VAMP7: variants seen among roughly 807,000 people sequenced by gnomAD.
VAMP7 encodes the protein vesicle associated membrane protein 7, also known as vesicle-associated membrane protein 7.
In VAMP7, 14 loss-of-function variants were observed where a neutral mutation model predicts 29.6. The observed-to-expected ratio is 0.47, with a 90% CI of 0.31 to 0.74. VAMP7 has a LOEUF of 0.74. Among genes scored for constraint, VAMP7 ranks in the 30% least tolerant of loss-of-function variants. The pLI is 0.05. For synonymous variants in VAMP7, 95 were observed against 88.1 expected (o/e 1.08, Z -0.44); for missense variants, 223 against 262.4 (o/e 0.85, Z 1.04).
chrX:155,926,960 TC>T (rs2066476861), intron 6 of VAMP7, among the ~76,000 whole-genome samples: 1 of 152,132 alleles, frequency 6.6e-6, no homozygotes, highest in Non-Finnish European at 1.5e-5. Context: ...ATCCGTTAGC[TC>T]CGTCACCTTA....
chrX:155,924,306 T>A (rs2066438727), intron 6 of VAMP7, among the ~76,000 whole-genome samples: 1 of 152,196 alleles, frequency 6.6e-6, no homozygotes, highest in East Asian at 1.9e-4. Context: ...CATAAAATTT[T>A]GCCATTTTAA....
intron 5 of VAMP7, among the ~76,000 whole-genome samples, chrX:155,903,778 C>G (rs1569439535): frequency 6.6e-6 from 1 of 152,080 alleles, no homozygotes; most frequent in Non-Finnish European, 1.5e-5. Context: ...CTAGTTCAAC[C>G]CTTGTGGAAG....
intron 1 of VAMP7, among the ~76,000 whole-genome samples, chrX:155,887,656 C>T (rs1167103652): frequency 3.3e-5 from 5 of 151,994 alleles, no homozygotes; most frequent in East Asian, 1.9e-4. Flanking sequence ...GGGCCAGGTA[C>T]GGTGGCTCAT....
At chrX:155,884,201 C>T (rs2065839463) in intron 1 of VAMP7, among the ~76,000 whole-genome samples, 1 of 151,854 alleles carries the variant, frequency 6.6e-6, no homozygotes, top group African/African-American at 2.4e-5. Flanking sequence ...GATCTTGGCT[C>T]ACCTCAGCCT....
intron 1 of VAMP7, among the ~76,000 whole-genome samples, chrX:155,885,807 A>G (rs771275958): frequency 1.3e-5 from 2 of 152,292 alleles, no homozygotes; most frequent in South Asian, 2.1e-4. Flanking sequence ...AGAGATAAGG[A>G]AAGATTCTCT....
intron 5 of VAMP7, among the ~76,000 whole-genome samples, chrX:155,912,490 C>T (rs2066251868): frequency 6.6e-6 from 1 of 152,068 alleles, no homozygotes; most frequent in African/African-American, 2.4e-5. Context: ...AGGTATTTCT[C>T]CTAATGCTAT....
chrX:155,883,064 C>T (rs2065823143), intron 1 of VAMP7, among the ~76,000 whole-genome samples: 1 of 152,176 alleles, frequency 6.6e-6, no homozygotes, highest in Non-Finnish European at 1.5e-5. Context: ...CTGTCTTCCC[C>T]ATTGTTCTAT....
intron 2 of VAMP7, 89 bp downstream of exon 2, chrX:155,889,701 T>C: frequency 7.1e-7 from 1 of 1,410,596 alleles, no homozygotes; most frequent in Non-Finnish European, 9.4e-7. Context: ...AACAAGCTTC[T>C]AGGTACATAA....
At chrX:155,888,412 C>T (rs1011343257) in intron 1 of VAMP7, among the ~76,000 whole-genome samples, 4 of 152,172 alleles carry the variant, frequency 2.6e-5, no homozygotes, top group African/African-American at 9.7e-5. Flanking sequence ...ATGACTCATA[C>T]TCTGCCACAC....
At chrX:155,896,969 T>C (rs1454760380) in intron 3 of VAMP7, among the ~76,000 whole-genome samples, 2 of 151,648 alleles carry the variant, frequency 1.3e-5, no homozygotes, top group Admixed American at 6.6e-5. Context: ...ATATATATAG[T>C]ATTCAAAATA....
chrX:155,942,747 T>C lies in VAMP7; in HGVS notation c.*796T>C, dbSNP rs2066765668. The C allele has an allele frequency of 6.5e-6, 1 of 153,254 alleles. No individual in the cohort carries two copies. The highest frequency in any genetic ancestry group is 1.9e-4 in the East Asian group (1 of 5,198). The allele number at this position is 153,254 out of a possible 1,614,324, so 9.5% of individuals were successfully genotyped here. On this transcript the variant is annotated 3_prime_UTR_variant, in exon 8 of 8. Coordinates refer to ENST00000286448, the MANE Select transcript of VAMP7 (RefSeq NM_005638.6). ...ATATTTAGGGCAATCGTGTCGCTAA[T>C]AGAATATGTAGTAGAGGGGGTGGGG...
chrX:155,929,182 G>A (rs1176920697), intron 6 of VAMP7, among the ~76,000 whole-genome samples: 3 of 152,116 alleles, frequency 2.0e-5, no homozygotes, highest in Non-Finnish European at 2.9e-5. Context: ...CAGTTTACAC[G>A]TTTTTTATTT....
chrX:155,903,234 C>T (rs2066094370), intron 5 of VAMP7, among the ~76,000 whole-genome samples: 1 of 151,916 alleles, frequency 6.6e-6, no homozygotes, highest in Non-Finnish European at 1.5e-5. Flanking sequence ...ATCATTTAGA[C>T]CTAAAACCAT....
chrX:155,897,665 A>C (rs2066004085), intron 3 of VAMP7, among the ~76,000 whole-genome samples: 1 of 152,106 alleles, frequency 6.6e-6, no homozygotes, highest in South Asian at 2.1e-4. Context: ...TTTCAAATAT[A>C]CCACCACTAT....
At chrX:155,919,992 C>A in intron 6 of VAMP7, 112 bp downstream of exon 6, 2 of 863,008 alleles carry the variant, frequency 2.3e-6, no homozygotes, top group Non-Finnish European at 3.7e-6. Flanking sequence ...GTTTTTTTTT[C>A]TTTCTCATTT....
chrX:155,889,188 G>A (rs1472791373), intron 1 of VAMP7, among the ~76,000 whole-genome samples: 2 of 151,982 alleles, frequency 1.3e-5, no homozygotes, highest in East Asian at 1.9e-4. Flanking sequence ...ATAATAATTT[G>A]TAAATGCAAG....
chrX:155,884,853 T>C (rs747874474), intron 1 of VAMP7, among the ~76,000 whole-genome samples: 1 of 152,238 alleles, frequency 6.6e-6, no homozygotes. Flanking sequence ...TACTTGAAGA[T>C]GCTTCTGCTG....
intron 5 of VAMP7, among the ~76,000 whole-genome samples, chrX:155,915,838 TGTTGATTTG>T (rs2066304456): frequency 6.6e-6 from 1 of 152,220 alleles, no homozygotes; most frequent in East Asian, 1.9e-4. Flanking sequence ...ATGTATATTC[TGTTGATTTG>T]GCTTGGAGAG....
chrX:155,889,663 C>T (rs916948381), intron 2 of VAMP7, 51 bp downstream of exon 2: 3 of 1,600,836 alleles, frequency 1.9e-6, no homozygotes, highest in Middle Eastern at 1.7e-4. Flanking sequence ...AATTCTGTTA[C>T]TCTAATCAGA....
Sources: gnomAD v4.1 joint callset for allele counts (sites outside exome capture counted in the v4.1 genomes callset) on GRCh38, gnomAD v4.1.1 for gene constraint, MANE v1.5 for transcripts, NCBI Gene and HGNC (gene_info 2026-07-23, HGNC 2026-07-21) for gene names.